MCTP1: variants seen among roughly 807,000 people sequenced by gnomAD.
The protein encoded by MCTP1 is multiple C2 and transmembrane domain-containing protein 1.
In MCTP1, 69 loss-of-function variants were observed where a neutral mutation model predicts 120.6. The ratio of observed to expected loss-of-function variants is 0.57; its 90% CI spans 0.47 to 0.70. The LOEUF is 0.70. Among genes scored for constraint, MCTP1 ranks in the 30% least tolerant of loss-of-function variants. The probability of loss-of-function intolerance (pLI) is 0.00; values close to 1 mark genes in which losing one functional copy is unlikely to be tolerated. For synonymous variants in MCTP1, 529 were observed against 493.1 expected (o/e 1.07, Z -0.96); for missense variants, 1,203 against 1,248.8 (o/e 0.96, Z 0.55).
chr5:95,043,010 C>T (rs1842600341), intron 1 of MCTP1, among the ~76,000 whole-genome samples: 1 of 152,022 alleles, frequency 6.6e-6, no homozygotes, highest in Admixed American at 6.6e-5. Flanking sequence ...ATTCTAATCA[C>T]TAAATTTGCT....
intron 1 of MCTP1, among the ~76,000 whole-genome samples, chr5:95,273,956 C>T (rs1759606534): frequency 6.6e-6 from 1 of 152,218 alleles, no homozygotes; most frequent in Admixed American, 6.5e-5. Context: ...AAGGTCAGAG[C>T]ACAGCCCAGC....
At chr5:94,758,456 G>A (rs1770495064) in intron 19 of MCTP1, among the ~76,000 whole-genome samples, 1 of 152,046 alleles carries the variant, frequency 6.6e-6, no homozygotes, top group African/African-American at 2.4e-5. Context: ...TTAAAAAGGA[G>A]AGAGAGAAAA....
intron 5 of MCTP1, among the ~76,000 whole-genome samples, chr5:94,938,090 C>G (rs1005391053): frequency 6.6e-6 from 1 of 152,050 alleles, no homozygotes; most frequent in African/African-American, 2.4e-5. Flanking sequence ...CATCTTTCAC[C>G]TGGATTTTTG....
chr5:95,061,935 T>G (rs956232531), intron 1 of MCTP1, among the ~76,000 whole-genome samples: 1 of 152,196 alleles, frequency 6.6e-6, no homozygotes, highest in African/African-American at 2.4e-5. Flanking sequence ...GGTTAGGGCC[T>G]GGGCTTTGAT....
intron 16 of MCTP1, among the ~76,000 whole-genome samples, chr5:94,869,784 C>G (rs1797493693): frequency 6.6e-6 from 1 of 151,998 alleles, no homozygotes; most frequent in Non-Finnish European, 1.5e-5. Context: ...TAATATTAAG[C>G]CTAATTTAAA....
At chr5:95,140,760 G>C in intron 1 of MCTP1, among the ~76,000 whole-genome samples, 1 of 137,744 alleles carries the variant, frequency 7.3e-6, no homozygotes, top group Non-Finnish European at 1.5e-5. Context: ...GGCACCTGCA[G>C]TCCCAGCTAC....
intron 1 of MCTP1, among the ~76,000 whole-genome samples, chr5:95,035,705 C>G (rs940786130): frequency 2.6e-5 from 4 of 151,902 alleles, no homozygotes; most frequent in Admixed American, 1.3e-4. Flanking sequence ...TGCATATGTA[C>G]CTCTTGAATG....
intron 1 of MCTP1, among the ~76,000 whole-genome samples, chr5:95,167,899 A>T (rs903001769): frequency 1.3e-5 from 2 of 152,196 alleles, no homozygotes; most frequent in African/African-American, 4.8e-5. Flanking sequence ...CTTTAGTTTA[A>T]TTAAATCCCA....
At chr5:94,930,177 G>A (rs1581414087) in intron 6 of MCTP1, among the ~76,000 whole-genome samples, 1 of 149,526 alleles carries the variant, frequency 6.7e-6, no homozygotes, top group Admixed American at 6.7e-5. Context: ...TCTGTATATG[G>A]AACAAAAATA....
intron 1 of MCTP1, among the ~76,000 whole-genome samples, chr5:95,161,852 T>C (rs891291821): frequency 6.6e-6 from 1 of 152,188 alleles, no homozygotes; most frequent in Non-Finnish European, 1.5e-5. Flanking sequence ...GCCTGTGCTC[T>C]GCTAATCACT....
At chr5:94,932,990 C>T (rs1387784835) in intron 5 of MCTP1, among the ~76,000 whole-genome samples, 1 of 151,852 alleles carries the variant, frequency 6.6e-6, no homozygotes, top group Non-Finnish European at 1.5e-5. Flanking sequence ...AACCTTTAAC[C>T]TAAACCACAA....
At chr5:94,864,255 C>CAA (rs1407347527) in intron 17 of MCTP1, among the ~76,000 whole-genome samples, 14 of 151,842 alleles carry the variant, frequency 9.2e-5, no homozygotes, top group African/African-American at 3.1e-4. Context: ...GTTAAACATT[C>CAA]AAACATGCCG....
chr5:94,882,351 T>C (rs1800285313), intron 12 of MCTP1, among the ~76,000 whole-genome samples: 1 of 152,072 alleles, frequency 6.6e-6, no homozygotes, highest in Non-Finnish European at 1.5e-5. Flanking sequence ...AATTACTCTT[T>C]AGGCTTGACT....
intron 1 of MCTP1, among the ~76,000 whole-genome samples, chr5:95,044,810 A>C (rs993827421): frequency 6.6e-6 from 1 of 151,238 alleles, no homozygotes; most frequent in Non-Finnish European, 1.5e-5. Flanking sequence ...TCCCATACCC[A>C]TCCCCAGACC....
At chr5:95,267,884 A>G (rs890558672) in intron 1 of MCTP1, among the ~76,000 whole-genome samples, 1 of 152,238 alleles carries the variant, frequency 6.6e-6, no homozygotes, top group African/African-American at 2.4e-5. Context: ...CCCACTGCCC[A>G]GGCAATCTTC....
chr5:94,829,093 CGG>C lies in MCTP1; in HGVS notation c.2437-29963_2437-29962del, dbSNP rs1787916652. On this transcript the variant is annotated intron_variant, in intron 17 of 22. Transcript: ENST00000515393. ...TTGTGCTTGAAACCCAGGGCCCTGG[CGG>C]TGTAGGCACCTGAGGGAACCTCCTG... Among the ~76,000 whole-genome samples, 5 of 152,048 alleles carry C rather than the reference CGG, an allele frequency of 3.3e-5. No homozygotes were observed. In the South Asian group the frequency reaches 6.2e-4, roughly 19 times the overall value.
chr5:94,856,771 C>G (rs1408218377), intron 17 of MCTP1, among the ~76,000 whole-genome samples: 1 of 151,636 alleles, frequency 6.6e-6, no homozygotes, highest in African/African-American at 2.4e-5. Flanking sequence ...AAAAGCATTT[C>G]TGAGAGAAAA....
chr5:95,274,516 C>G (rs1759656203), intron 1 of MCTP1, among the ~76,000 whole-genome samples: 1 of 152,188 alleles, frequency 6.6e-6, no homozygotes, highest in African/African-American at 2.4e-5. Flanking sequence ...TATCTTTGAC[C>G]TCTCCCTCTC....
chr5:94,724,984 G>T (rs1369827378), intron 19 of MCTP1, among the ~76,000 whole-genome samples: 2 of 152,042 alleles, frequency 1.3e-5, no homozygotes, highest in Non-Finnish European at 2.9e-5. Context: ...AGTAACAAAG[G>T]CTACTTTCAA....
Sources: gnomAD v4.1 joint callset for allele counts (sites outside exome capture counted in the v4.1 genomes callset) on GRCh38, gnomAD v4.1.1 for gene constraint, MANE v1.5 for transcripts, NCBI Gene and HGNC (gene_info 2026-07-23, HGNC 2026-07-21) for gene names.